RBFOX1: variants seen among roughly 807,000 people sequenced by gnomAD.
RBFOX1 encodes the protein RNA binding fox-1 homolog 1.
A neutral mutation model predicts 57.7 loss-of-function variants in RBFOX1; 8 were observed. The ratio of observed to expected loss-of-function variants is 0.14; its 90% confidence interval spans 0.08 to 0.25. RBFOX1 has a LOEUF of 0.25. Ranked by LOEUF, RBFOX1 falls within the 10% of genes least tolerant of loss-of-function variation. RBFOX1 has a pLI of 1.00. For synonymous variants in RBFOX1, 326 were observed against 222.4 expected (o/e 1.47, Z -4.15); for missense variants, 611 against 548.5 (o/e 1.11, Z -1.14).
At chr16:6,189,732 G>A (rs1012352026) in intron 1 of RBFOX1, among the ~76,000 whole-genome samples, 3 of 152,226 alleles carry the variant, frequency 2.0e-5, no homozygotes, top group African/African-American at 4.8e-5. Flanking sequence ...CCTAGAATTC[G>A]TACATTCCAC....
At chr16:5,535,612 C>G (rs767302602) in intron 2 of RBFOX1, among the ~76,000 whole-genome samples, 10 of 152,182 alleles carry the variant, frequency 6.6e-5, no homozygotes, top group Non-Finnish European at 1.3e-4. Flanking sequence ...TCATGCTTCT[C>G]TTTTTAGTGA....
intron 2 of RBFOX1, among the ~76,000 whole-genome samples, chr16:6,543,051 C>G (rs905934369): frequency 1.3e-5 from 2 of 152,168 alleles, no homozygotes; most frequent in Non-Finnish European, 2.9e-5. Flanking sequence ...GCAGTAATCA[C>G]ATCCAAGCCA....
intron 4 of RBFOX1, among the ~76,000 whole-genome samples, chr16:7,073,195 T>C (rs1460117784): frequency 1.3e-5 from 2 of 152,184 alleles, no homozygotes; most frequent in Admixed American, 1.3e-4. Context: ...TTGTAGTCTG[T>C]GATCAACTAA....
intron 4 of RBFOX1, among the ~76,000 whole-genome samples, chr16:7,160,678 A>G (rs1036656224): frequency 6.6e-6 from 1 of 151,862 alleles, no homozygotes; most frequent in African/African-American, 2.4e-5. Context: ...TCTTCATCTT[A>G]GTTTTCCTGG....
At chr16:7,357,064 T>C (rs767190563) in intron 4 of RBFOX1, among the ~76,000 whole-genome samples, 7 of 152,254 alleles carry the variant, frequency 4.6e-5, no homozygotes, top group Admixed American at 2.6e-4. Context: ...CCTTGGAACA[T>C]TCTGCATCAA....
At chr16:5,519,382 G>A (rs976175905) in intron 2 of RBFOX1, among the ~76,000 whole-genome samples, 2 of 152,080 alleles carry the variant, frequency 1.3e-5, no homozygotes, top group African/African-American at 4.8e-5. Context: ...TTATCATTAT[G>A]GGATAAATGT....
chr16:5,728,445 G>A (rs2052236095), intron 3 of RBFOX1, among the ~76,000 whole-genome samples: 1 of 152,224 alleles, frequency 6.6e-6, no homozygotes, highest in Admixed American at 6.5e-5. Context: ...GGACAGGTTA[G>A]CTCAAGGGAA....
intron 2 of RBFOX1, among the ~76,000 whole-genome samples, chr16:6,477,010 C>G (rs1037105849): frequency 1.3e-4 from 20 of 152,150 alleles, no homozygotes; most frequent in Admixed American, 9.2e-4. Flanking sequence ...AGTTTTATCA[C>G]GAGATTGCAG....
intron 3 of RBFOX1, among the ~76,000 whole-genome samples, chr16:6,975,184 TAAAG>T (rs2086547065): frequency 6.6e-6 from 1 of 152,124 alleles, no homozygotes; most frequent in Admixed American, 6.5e-5. Context: ...GGTACTGAGG[TAAAG>T]AGAGTGAAGC....
At chr16:6,027,415 G>C (rs993501846) in intron 1 of RBFOX1, among the ~76,000 whole-genome samples, 1 of 152,196 alleles carries the variant, frequency 6.6e-6, no homozygotes, top group Non-Finnish European at 1.5e-5. Flanking sequence ...CTAGGAAGGA[G>C]GCAGTGCAGG....
At chr16:7,153,645 G>A (rs1289970845) in intron 4 of RBFOX1, among the ~76,000 whole-genome samples, 1 of 151,444 alleles carries the variant, frequency 6.6e-6, no homozygotes, top group East Asian at 2.0e-4. Context: ...AGCTACTTGG[G>A]AGGCTGAGGC....
intron 14 of RBFOX1, among the ~76,000 whole-genome samples, chr16:7,707,928 G>A (rs192393393): frequency 1.2e-4 from 19 of 152,226 alleles, no homozygotes; most frequent in South Asian, 2.1e-4. Flanking sequence ...AAGGAAGGAC[G>A]TCAGCTTCAG....
intron 3 of RBFOX1, among the ~76,000 whole-genome samples, chr16:6,788,892 C>T (rs955966058): frequency 6.6e-6 from 1 of 152,140 alleles, no homozygotes; most frequent in South Asian, 2.1e-4. Context: ...GTAGCTAACT[C>T]TCTGCTCTAA....
chr16:7,474,642 G>C (rs73500364), intron 4 of RBFOX1, among the ~76,000 whole-genome samples: 1 of 152,106 alleles, frequency 6.6e-6, no homozygotes, highest in Non-Finnish European at 1.5e-5. Context: ...CTCTAAAGTC[G>C]GACTGGCTTT....
At chr16:6,653,168 C>T (rs1359732925) in intron 2 of RBFOX1, among the ~76,000 whole-genome samples, 1 of 152,144 alleles carries the variant, frequency 6.6e-6, no homozygotes, top group Non-Finnish European at 1.5e-5. Flanking sequence ...CAAGCCTTTT[C>T]TCAATTGCCA....
chr16:5,485,048 C>G (rs1290607699), intron 2 of RBFOX1, among the ~76,000 whole-genome samples: 5 of 150,832 alleles, frequency 3.3e-5, no homozygotes, highest in African/African-American at 4.9e-5. Flanking sequence ...GAGAGCCTGT[C>G]TCAGAAAAAA....
chr16:6,058,627 T>TACCCACCCATCC (rs1342184531), intron 1 of RBFOX1, among the ~76,000 whole-genome samples: 447 of 144,338 alleles, frequency 3.1e-3, no homozygotes, highest in Middle Eastern at 3.8e-3. Context: ...CCCATCCATC[T>TACCCACCCATCC]ACCCACCCAT....
At chr16:6,164,654 T>G (rs56888343) in intron 1 of RBFOX1, among the ~76,000 whole-genome samples, 16,078 of 151,864 alleles carry the variant, frequency 0.11, 904 homozygotes, top group Admixed American at 0.13. Context: ...GTTTTGTTTT[T>G]TTTTAGTAGA....
At chr16:6,961,254 C>T (rs1240462120) in intron 3 of RBFOX1, among the ~76,000 whole-genome samples, 2 of 152,142 alleles carry the variant, frequency 1.3e-5, no homozygotes, top group Non-Finnish European at 2.9e-5. Context: ...GCCATTTTCT[C>T]AGAACCTGGG....
Sources: allele counts gnomAD v4.1 joint callset (sites outside exome capture counted in the v4.1 genomes callset), GRCh38; gene constraint gnomAD v4.1.1; transcripts MANE v1.5; gene names NCBI Gene and HGNC (gene_info 2026-07-23, HGNC 2026-07-21).